The following ZC2HC1B variants were observed in gnomAD, a reference collection of about 807,000 sequenced individuals.
ZC2HC1B encodes the protein zinc finger C2HC-type containing 1B, also known as zinc finger C2HC domain-containing protein 1B.
Under a neutral mutation model 31.0 loss-of-function variants are expected in ZC2HC1B, and 36 were observed. That is an observed-to-expected ratio of 1.16 (90% CI 0.89 to 1.54). The LOEUF is 1.54. Ranked by LOEUF, ZC2HC1B falls within the 40% of genes most tolerant of loss-of-function variation. ZC2HC1B has a pLI of 0.00. For synonymous variants in ZC2HC1B, 73 were observed against 88.0 expected (o/e 0.83, Z 0.95); for missense variants, 260 against 268.6 (o/e 0.97, Z 0.22).
chr6:143,935,032 C>G (rs368058646), intron 6 of ZC2HC1B, among the ~76,000 whole-genome samples: 2 of 152,140 alleles, frequency 1.3e-5, no homozygotes, highest in East Asian at 1.9e-4. Context: ...GACCAACCCT[C>G]TGGCTCCTAG....
chr6:143,884,236 G>A lies in ZC2HC1B; in HGVS notation c.29-68G>A. The A allele has an allele frequency of 1.4e-6, 2 of 1,421,664 alleles. No homozygotes were observed. Among genetic ancestry groups the A allele is most frequent in the Non-Finnish European group, 1.9e-6 (2 of 1,044,522 alleles). 88.1% of individuals were successfully genotyped at this position (1,421,664 alleles called of 1,614,324 possible). ...TATCAAGCTATTGAGGTCACCTCCAGTCAGTCATTTCTTCTCAGCGAGGAA... is the reference window on the plus strand; with the variant it reads ...TATCAAGCTATTGAGGTCACCTCCAATCAGTCATTTCTTCTCAGCGAGGAA... On this transcript the variant is annotated intron_variant, in intron 1 of 7. Coordinates refer to ENST00000237275, the MANE Select transcript of ZC2HC1B (RefSeq NM_001013623.3). The surrounding 1 kb of genome is among the most constrained non-coding windows in gnomAD (Gnocchi z 5.1).
At chr6:143,928,535 T>C (rs560745912) in intron 6 of ZC2HC1B, among the ~76,000 whole-genome samples, 1 of 152,298 alleles carries the variant, frequency 6.6e-6, no homozygotes, top group East Asian at 1.9e-4. Context: ...AATGTGGAGT[T>C]AGGTAATGTG....
intron 6 of ZC2HC1B, among the ~76,000 whole-genome samples, chr6:143,927,168 G>T (rs1319561079): frequency 6.6e-6 from 1 of 152,014 alleles, no homozygotes; most frequent in African/African-American, 2.4e-5. Context: ...ATTTATAATA[G>T]ATTTAGGGGG....
intron 6 of ZC2HC1B, among the ~76,000 whole-genome samples, chr6:143,927,178 G>A (rs902776716): frequency 6.6e-6 from 1 of 151,996 alleles, no homozygotes; most frequent in African/African-American, 2.4e-5. Context: ...GATTTAGGGG[G>A]TACAAATACA....
rs753247894 is a variant in ZC2HC1B, at chr6:143,898,688, T to G, written c.486T>G (p.Ala162=). 44 of 1,551,992 alleles carry G rather than the reference T, an allele frequency of 2.8e-5. No homozygotes were observed. The highest frequency in any genetic ancestry group is 1.9e-4 in the South Asian group (16 of 84,066). ...CAGCAGCCAAATTGGCATCCAGAGC[T>G]CAGGTAACTATCTCTCCCCAGGTGT... is the stretch of plus-strand genomic sequence containing the variant. ...AQTAAKLASR[A]QGRAQMGPKK... Residue 162 remains alanine, a synonymous_variant, in exon 5 of 8, where the codon GCT becomes GCG. Coordinates refer to ENST00000237275, the MANE Select transcript of ZC2HC1B (RefSeq NM_001013623.3).
chr6:143,919,957 T>A (rs1030902866), intron 6 of ZC2HC1B, among the ~76,000 whole-genome samples: 1 of 152,284 alleles, frequency 6.6e-6, no homozygotes, highest in Admixed American at 6.5e-5. Flanking sequence ...TTTTTCCTCA[T>A]TTGGGAAAAA....
intron 4 of ZC2HC1B, among the ~76,000 whole-genome samples, chr6:143,894,486 G>A (rs1030997184): frequency 6.6e-6 from 1 of 152,092 alleles, no homozygotes; most frequent in Non-Finnish European, 1.5e-5. Context: ...TCCTCAAAAA[G>A]ACTATTTAAG....
chr6:143,895,126 C>T lies in ZC2HC1B; in HGVS notation c.350-3426C>T, dbSNP rs1777649225. Among the ~76,000 whole-genome samples, 1 of 152,152 alleles carries T rather than the reference C, an allele frequency of 6.6e-6. No homozygotes were observed. Among genetic ancestry groups the T allele is most frequent in the Non-Finnish European group, 1.5e-5 (1 of 68,032 alleles). On this transcript the variant is annotated intron_variant, in intron 4 of 7. Coordinates refer to ENST00000237275, the MANE Select transcript of ZC2HC1B (RefSeq NM_001013623.3). The surrounding 1 kb of genome is among the most constrained non-coding windows in gnomAD (Gnocchi z 4.8). ...AAGGATTTTATATTAGCCCAGAATT[C>T]TCAGGCTTAAGTTCTAGAGAATTTA...
chr6:143,932,854 C>G lies in ZC2HC1B; in HGVS notation c.599-4795C>G, dbSNP rs562243942. Among the ~76,000 whole-genome samples the G allele has an allele frequency of 3.0e-4, 45 of 152,240 alleles. No individual in the cohort carries two copies. In the East Asian group the frequency reaches 4.8e-3, roughly 16 times the overall value. The stretch of plus-strand genomic sequence containing the variant: ...GATTCTTTTGTCCCACAGGGTGAAC[C>G]CTTGATGTGGTACCCTCCCCCTTTC... On this transcript the variant is annotated intron_variant, in intron 6 of 7. Transcript: ENST00000237275.
At chr6:143,879,858 G>A (rs1481588247) in intron 1 of ZC2HC1B, among the ~76,000 whole-genome samples, 14 of 127,100 alleles carry the variant, frequency 1.1e-4, no homozygotes, top group African/African-American at 3.6e-4. Context: ...TTGAGACAGG[G>A]TCTAGCTCTG....
chr6:143,910,084 C>G (rs1018352453), intron 6 of ZC2HC1B, among the ~76,000 whole-genome samples: 3 of 152,196 alleles, frequency 2.0e-5, no homozygotes, highest in Non-Finnish European at 4.4e-5. Context: ...TAGCTGCATC[C>G]CAGAGATTCT....
rs923846951 is a variant in ZC2HC1B at position 143,913,955 on chromosome 6, G to A, written c.598+10803G>A. On this transcript the variant is annotated intron_variant, in intron 6 of 7. Transcript: ENST00000237275. The surrounding 1 kb of genome is among the most constrained non-coding windows in gnomAD (Gnocchi z 5.7). ...TGTTTTGTTCCTTTCTGTGAGTGCT[G>A]TGGACCACAGCTGCTTCTAATCGGC... 6.6e-6 allele frequency among the ~76,000 whole-genome samples: 1 copy of A among 152,178 alleles called. No individual in the cohort carries two copies. Among genetic ancestry groups the A allele is most frequent in the African/African-American group, 2.4e-5 (1 of 41,446 alleles).
In ZC2HC1B at chr6:143,905,364, A is replaced by G. The variant is rs1452091149; in HGVS notation, c.598+2212A>G. On this transcript the variant is annotated intron_variant, in intron 6 of 7. Coordinates refer to ENST00000237275, the MANE Select transcript of ZC2HC1B (RefSeq NM_001013623.3). This position sits in a 1 kb window ranked among gnomAD's most constrained non-coding sequence, Gnocchi z 4.2. ...TCTTCATAATTTTTTTTGATTGTTC[A>G]TTGTCAGTATATAGAAACACAACTA... Among the ~76,000 whole-genome samples the G allele has an allele frequency of 1.3e-5, 2 of 151,836 alleles. No homozygotes were observed. The highest frequency in any genetic ancestry group is 4.8e-5 in the African/African-American group (2 of 41,336).
chr6:143,879,141 G>T (rs1777439767), intron 1 of ZC2HC1B, among the ~76,000 whole-genome samples: 1 of 152,176 alleles, frequency 6.6e-6, no homozygotes, highest in African/African-American at 2.4e-5. Flanking sequence ...GGTACATGCT[G>T]TCCAGGAGTT....
chr6:143,891,738 T>C (rs1335723009), intron 4 of ZC2HC1B, among the ~76,000 whole-genome samples: 1 of 151,402 alleles, frequency 6.6e-6, no homozygotes, highest in Non-Finnish European at 1.5e-5. Flanking sequence ...AGAAATTGAC[T>C]AGCTGATTCA....
intron 6 of ZC2HC1B, among the ~76,000 whole-genome samples, chr6:143,920,127 T>C (rs996862449): frequency 1.3e-5 from 2 of 152,028 alleles, no homozygotes; most frequent in Non-Finnish European, 2.9e-5. Flanking sequence ...TTATGGTTTC[T>C]TTTTTTTATT....
At chr6:143,901,555 C>T (rs984383126) in intron 5 of ZC2HC1B, among the ~76,000 whole-genome samples, 7 of 152,044 alleles carry the variant, frequency 4.6e-5, no homozygotes, top group South Asian at 2.1e-4. Context: ...ACCCCGTGCC[C>T]GGCCAGGGTT....
intron 6 of ZC2HC1B, among the ~76,000 whole-genome samples, chr6:143,912,191 C>A (rs2128496114): frequency 6.6e-6 from 1 of 152,272 alleles, no homozygotes; most frequent in South Asian, 2.1e-4. Context: ...TTCTTAGCTT[C>A]TTTGCATTGG....
At chr6:143,888,572 C>A (rs929337720) in intron 4 of ZC2HC1B, among the ~76,000 whole-genome samples, 1 of 151,874 alleles carries the variant, frequency 6.6e-6, no homozygotes, top group African/African-American at 2.4e-5. Context: ...TTTCTTTTAG[C>A]AAAATATTGT....
Sources: gnomAD v4.1 joint callset for allele counts (sites outside exome capture counted in the v4.1 genomes callset) on GRCh38, gnomAD v4.1.1 for gene constraint, Gnocchi (gnomAD v3.1) non-coding constraint, MANE v1.5 for transcripts, NCBI Gene and HGNC (gene_info 2026-07-23, HGNC 2026-07-21) for gene names.